DLGAP2: variants seen among roughly 807,000 people sequenced by gnomAD.
DLGAP2 encodes DLG associated protein 2.
Under a neutral mutation model 100.3 loss-of-function variants are expected in DLGAP2, and 26 were observed. The observed-to-expected ratio is 0.26, with a 90% CI of 0.19 to 0.36. DLGAP2 has a LOEUF of 0.36. Ranked by LOEUF, DLGAP2 falls within the 10% of genes least tolerant of loss-of-function variation. The pLI, the probability that DLGAP2 is intolerant of heterozygous loss-of-function variation, is 1.00. For missense variants in DLGAP2, 1,858 were observed against 1,453.2 expected (o/e 1.28, Z -4.53); for synonymous variants, 886 against 630.1 (o/e 1.41, Z -6.08).
At chr8:1,621,890 A>T (rs1206325523) in intron 6 of DLGAP2, 5 of 152,158 alleles carry the variant, frequency 3.3e-5, no homozygotes, top group Admixed American at 1.3e-4. Flanking sequence ...CAACAGTGAG[A>T]TGCAAATGTG....
At chr8:1,240,257 T>G (rs193298979) in intron 2 of DLGAP2, among the ~76,000 whole-genome samples, 1 of 89,824 alleles carries the variant, frequency 1.1e-5, no homozygotes, top group Non-Finnish European at 2.4e-5. Context: ...CTAGTTCTCT[T>G]ACATGGCGCC....
chr8:1,096,847 C>T (rs539533359), intron 2 of DLGAP2, among the ~76,000 whole-genome samples: 11 of 126,246 alleles, frequency 8.7e-5, no homozygotes, highest in South Asian at 5.5e-4. Context: ...GCTGGGAGCC[C>T]GGGGCAGGCC....
chr8:1,318,067 T>G (rs368002807), intron 3 of DLGAP2, among the ~76,000 whole-genome samples: 4 of 8,556 alleles, frequency 4.7e-4, no homozygotes, highest in East Asian at 4.5e-3. Context: ...GAGACACTCG[T>G]CAGTGTTTAA....
intron 1 of DLGAP2, among the ~76,000 whole-genome samples, chr8:843,200 C>T (rs950810539): frequency 1.3e-5 from 2 of 152,184 alleles, no homozygotes; most frequent in African/African-American, 2.4e-5. Flanking sequence ...AGAGCTTTTC[C>T]GACTTCCTAG....
At chr8:959,026 G>A (rs771339276) in intron 2 of DLGAP2, among the ~76,000 whole-genome samples, 1 of 152,206 alleles carries the variant, frequency 6.6e-6, no homozygotes, top group Non-Finnish European at 1.5e-5. Context: ...TCCAAATTCA[G>A]TGAGAAGGGC....
intron 2 of DLGAP2, among the ~76,000 whole-genome samples, chr8:1,045,769 A>G (rs986781532): frequency 1.1e-4 from 16 of 152,180 alleles, no homozygotes; most frequent in Non-Finnish European, 2.1e-4. Flanking sequence ...GGGGACACCC[A>G]GAAGAGTTCC....
intron 2 of DLGAP2, among the ~76,000 whole-genome samples, chr8:920,540 G>A (rs149535087): frequency 0.011 from 1,651 of 152,316 alleles, 34 homozygotes; most frequent in African/African-American, 0.037. Context: ...TGGATTGCTT[G>A]AGCTCAGGAG....
intron 3 of DLGAP2, among the ~76,000 whole-genome samples, chr8:1,417,959 GAA>G (rs112176608): frequency 6.6e-6 from 1 of 151,218 alleles, no homozygotes; most frequent in African/African-American, 2.4e-5. Flanking sequence ...CGTCTGTCGT[GAA>G]AAAAAAAGAA....
At chr8:1,647,123 C>G (rs952176819) in intron 8 of DLGAP2, among the ~76,000 whole-genome samples, 30 of 152,154 alleles carry the variant, frequency 2.0e-4, no homozygotes, top group Non-Finnish European at 4.0e-4. Context: ...CTGTGAATTT[C>G]CAGCAGGACA....
At chr8:1,253,294 G>C (rs1799091489) in intron 2 of DLGAP2, among the ~76,000 whole-genome samples, 1 of 152,162 alleles carries the variant, frequency 6.6e-6, no homozygotes, top group African/African-American at 2.4e-5. Context: ...TTCTTCCCGG[G>C]GCTCCAGGAG....
At chr8:958,463 A>T (rs1350427448) in intron 2 of DLGAP2, among the ~76,000 whole-genome samples, 3 of 149,860 alleles carry the variant, frequency 2.0e-5, no homozygotes, top group Non-Finnish European at 4.4e-5. Flanking sequence ...TCTGGTTTTC[A>T]TTGTTTCTGT....
intron 5 of DLGAP2, among the ~76,000 whole-genome samples, chr8:1,558,377 G>T (rs761499981): frequency 2.0e-5 from 3 of 152,204 alleles, no homozygotes; most frequent in Non-Finnish European, 4.4e-5. Flanking sequence ...AGAGAGTGAG[G>T]CCACACCGCA....
chr8:1,573,962 G>A (rs775705013), intron 6 of DLGAP2, among the ~76,000 whole-genome samples: 2 of 152,132 alleles, frequency 1.3e-5, no homozygotes, highest in African/African-American at 4.8e-5. Flanking sequence ...AAAGTGAGGT[G>A]CTCTCTAAAT....
chr8:741,949 C>G (rs564251916), intron 1 of DLGAP2, among the ~76,000 whole-genome samples: 3 of 152,346 alleles, frequency 2.0e-5, no homozygotes, highest in South Asian at 2.1e-4. Flanking sequence ...GGAAATGACA[C>G]CTTCCTCATC....
At chr8:876,999 G>GTTTTTTTTT (rs78770250) in intron 1 of DLGAP2, among the ~76,000 whole-genome samples, 1 of 143,118 alleles carries the variant, frequency 7.0e-6, no homozygotes, top group Non-Finnish European at 1.5e-5. Flanking sequence ...TTTTTACCAG[G>GTTTTTTTTT]TTTTTTTTTT....
intron 3 of DLGAP2, among the ~76,000 whole-genome samples, chr8:1,433,444 G>T (rs554254308): frequency 1.8e-4 from 28 of 152,332 alleles, no homozygotes; most frequent in African/African-American, 6.3e-4. Context: ...GTTTAGAAAG[G>T]TCTTTTTGCA....
chr8:1,277,656 A>C lies in DLGAP2; in HGVS notation c.106+18773A>C, dbSNP rs375153264. Among the ~76,000 whole-genome samples, 7 of 152,256 alleles carry C rather than the reference A, an allele frequency of 4.6e-5. No individual in the cohort carries two copies. The South Asian group carries it at 1.5e-3, about 32-fold the overall frequency. The stretch of plus-strand genomic sequence containing the variant: ...AGGCAGGTCAGTATCTGAGTATCCA[A>C]GTGTTATCCGAAATGAGTGGTGGGG... On this transcript the variant is annotated intron_variant, in intron 3 of 14. Coordinates refer to ENST00000637795, the MANE Select transcript of DLGAP2 (RefSeq NM_001346810.2).
At chr8:741,251 G>A (rs1372187046) in intron 1 of DLGAP2, among the ~76,000 whole-genome samples, 1 of 152,238 alleles carries the variant, frequency 6.6e-6, no homozygotes, top group East Asian at 1.9e-4. Context: ...GTCGTAGGGT[G>A]TGCAAACTCT....
chr8:1,264,282 A>G (rs1336036285), intron 3 of DLGAP2, among the ~76,000 whole-genome samples: 1 of 152,098 alleles, frequency 6.6e-6, no homozygotes, highest in East Asian at 1.9e-4. Flanking sequence ...GGGGCCTGGG[A>G]TGGGGCTGGG....
Sources: allele counts gnomAD v4.1 joint callset (sites outside exome capture counted in the v4.1 genomes callset), GRCh38; gene constraint gnomAD v4.1.1; transcripts MANE v1.5; gene names NCBI Gene and HGNC (gene_info 2026-07-23, HGNC 2026-07-21).